Variants in PRKN observed in about 807,000 individuals in gnomAD.
PRKN encodes the protein E3 ubiquitin-protein ligase parkin.
Under a neutral mutation model 59.5 loss-of-function variants are expected in PRKN, and 56 were observed. The observed-to-expected ratio is 0.94, with a 90% CI of 0.76 to 1.18. PRKN has a LOEUF of 1.18. Ranked by LOEUF, PRKN falls within the 50% of genes most tolerant of loss-of-function variation. PRKN has a pLI of 0.00. For missense variants in PRKN, 657 were observed against 596.4 expected (o/e 1.10, Z -1.06); for synonymous variants, 250 against 222.1 (o/e 1.13, Z -1.12).
chr6:161,940,768 A>G (rs1779533441), intron 6 of PRKN, among the ~76,000 whole-genome samples: 1 of 152,210 alleles, frequency 6.6e-6, no homozygotes, highest in South Asian at 2.1e-4. Flanking sequence ...TGGCAAGGGA[A>G]GAAGGTACAT....
At chr6:161,805,478 A>G (rs3016549) in intron 6 of PRKN, among the ~76,000 whole-genome samples, 7 of 149,472 alleles carry the variant, frequency 4.7e-5, no homozygotes, top group African/African-American at 1.2e-4. Flanking sequence ...ACACACACAC[A>G]CATGCATGTA....
Position 161,548,861 on chromosome 6 carries a change from C to A in PRKN, c.1076G>T (p.Gly359Val). 1 of 1,614,158 alleles carries A rather than the reference C, an allele frequency of 6.2e-7. No homozygotes were observed. Among genetic ancestry groups the A allele is most frequent in the Non-Finnish European group, 8.5e-7 (1 of 1,180,006 alleles). Residue 359 changes from glycine to valine, a missense_variant, in exon 9 of 12, where the codon GGC becomes GTC. By Grantham distance (109) the Gly-to-Val change is moderately radical. Coordinates refer to ENST00000366898, the MANE Select transcript of PRKN (RefSeq NM_004562.3). This position sits in a 1 kb window ranked among gnomAD's most constrained non-coding sequence, Gnocchi z 4.2. ...KVTCEGGNGL[G>V]CGFAFCRECK... The stretch of plus-strand genomic sequence containing the variant: ...GGTGTGGGCAGTACTCACCCCACAG[C>A]CCAGGCCATTGCCCCCTTCGCAGGT...
intron 4 of PRKN, among the ~76,000 whole-genome samples, chr6:162,110,271 C>G (rs1196385705): frequency 6.6e-6 from 1 of 152,134 alleles, no homozygotes; most frequent in Non-Finnish European, 1.5e-5. Flanking sequence ...CACAGACACA[C>G]ATACACATAT....
chr6:162,275,785 CAA>C (rs60313068), intron 2 of PRKN, among the ~76,000 whole-genome samples: 1 of 130,072 alleles, frequency 7.7e-6, no homozygotes. Flanking sequence ...AAATCCGTCT[CAA>C]AAAAAAAAAA....
intron 7 of PRKN, among the ~76,000 whole-genome samples, chr6:161,702,394 A>G (rs879275833): frequency 1.2e-4 from 18 of 152,186 alleles, no homozygotes; most frequent in Non-Finnish European, 1.6e-4. Flanking sequence ...TATGACACAA[A>G]TGGACCTTAA....
At chr6:161,872,186 T>C (rs546063987) in intron 6 of PRKN, among the ~76,000 whole-genome samples, 14 of 151,834 alleles carry the variant, frequency 9.2e-5, no homozygotes, top group Admixed American at 2.0e-4. Context: ...CACAGCAGGA[T>C]TGGGGACAGA....
At position 161,359,563 on chromosome 6, in the gene PRKN, G is replaced by A. The variant is rs1784896563; in HGVS notation, c.1285+525C>T. Among the ~76,000 whole-genome samples, 1 of 152,244 alleles carries A rather than the reference G, an allele frequency of 6.6e-6. No homozygotes were observed. Among genetic ancestry groups the A allele is most frequent in the Non-Finnish European group, 1.5e-5 (1 of 68,044 alleles). On this transcript the variant is annotated intron_variant, in intron 11 of 11. Transcript: ENST00000366898. The surrounding 1 kb of genome is among the most constrained non-coding windows in gnomAD (Gnocchi z 5.4). ...ACTGGTTGTGATGGCTTTGCCCTGAGTGGCATGTCCAGGATAGACAGCAGG... is the reference window on the plus strand; with the variant it reads ...ACTGGTTGTGATGGCTTTGCCCTGAATGGCATGTCCAGGATAGACAGCAGG...
At chr6:161,790,364 A>G (rs1790590612) in intron 6 of PRKN, among the ~76,000 whole-genome samples, 1 of 152,160 alleles carries the variant, frequency 6.6e-6, no homozygotes, top group Non-Finnish European at 1.5e-5. Context: ...CTGGCCAGGG[A>G]TCAGGGTTGA....
At chr6:161,351,590 G>T (rs1469258985) in intron 11 of PRKN, among the ~76,000 whole-genome samples, 1 of 152,104 alleles carries the variant, frequency 6.6e-6, no homozygotes, top group East Asian at 1.9e-4. Context: ...CTCCCAAAGT[G>T]CTGGGATTAC....
intron 4 of PRKN, among the ~76,000 whole-genome samples, chr6:162,191,959 C>T (rs899702656): frequency 6.6e-6 from 1 of 152,052 alleles, no homozygotes; most frequent in African/African-American, 2.4e-5. Flanking sequence ...GACAGCATCA[C>T]GAACCAATAA....
chr6:162,084,534 T>C (rs975150624), intron 4 of PRKN, among the ~76,000 whole-genome samples: 4 of 152,134 alleles, frequency 2.6e-5, no homozygotes, highest in African/African-American at 7.2e-5. Context: ...ACAGGACTTA[T>C]AGGAGTCTTC....
chr6:162,631,018 T>C (rs946937116), intron 1 of PRKN, among the ~76,000 whole-genome samples: 2 of 152,152 alleles, frequency 1.3e-5, no homozygotes, highest in Non-Finnish European at 2.9e-5. Context: ...TCCTTAAGCA[T>C]TTCCGGTAGA....
intron 1 of PRKN, among the ~76,000 whole-genome samples, chr6:162,686,381 G>A (rs554417194): frequency 1.4e-4 from 21 of 152,262 alleles, no homozygotes; most frequent in Non-Finnish European, 2.8e-4. Context: ...CACACCAGAG[G>A]TGGGTGGTGT....
intron 9 of PRKN, among the ~76,000 whole-genome samples, chr6:161,490,631 T>A (rs1356088822): frequency 6.6e-6 from 1 of 152,118 alleles, no homozygotes; most frequent in African/African-American, 2.4e-5. Flanking sequence ...CCTCAGGTGA[T>A]CCTCCCACCT....
intron 3 of PRKN, among the ~76,000 whole-genome samples, chr6:162,211,176 C>A (rs1785184966): frequency 6.6e-6 from 1 of 152,158 alleles, no homozygotes; most frequent in African/African-American, 2.4e-5. Context: ...ATGGCTCTTG[C>A]AAAGTGGCAC....
intron 7 of PRKN, among the ~76,000 whole-genome samples, chr6:161,684,732 AAAC>A (rs1478019575): frequency 1.7e-4 from 26 of 152,296 alleles, no homozygotes; most frequent in Admixed American, 9.2e-4. Context: ...TACAATGATA[AAAC>A]AACAATTATT....
intron 1 of PRKN, among the ~76,000 whole-genome samples, chr6:162,700,462 A>G (rs576001490): frequency 9.2e-5 from 14 of 152,254 alleles, no homozygotes; most frequent in Non-Finnish European, 1.6e-4. Flanking sequence ...TAACACAAAC[A>G]CTTCAACATT....
intron 4 of PRKN, among the ~76,000 whole-genome samples, chr6:162,187,368 T>C (rs1481558586): frequency 6.6e-6 from 1 of 152,144 alleles, no homozygotes; most frequent in Non-Finnish European, 1.5e-5. Context: ...CTTAAACATA[T>C]CCCATGACAG....
At chr6:162,352,030 T>C (rs1355724234) in intron 2 of PRKN, among the ~76,000 whole-genome samples, 1 of 152,116 alleles carries the variant, frequency 6.6e-6, no homozygotes, top group Non-Finnish European at 1.5e-5. Context: ...CTACTTATTC[T>C]AACATACCCT....
Sources: allele counts gnomAD v4.1 joint callset (sites outside exome capture counted in the v4.1 genomes callset), GRCh38; gene constraint gnomAD v4.1.1; non-coding constraint Gnocchi (gnomAD v3.1); transcripts MANE v1.5; gene names NCBI Gene and HGNC (gene_info 2026-07-23, HGNC 2026-07-21).